Variants in GALNT13 observed in about 807,000 individuals in gnomAD.
GALNT13 encodes the protein UDP-GalNAc:polypeptide N-acetylgalactosaminyltransferase 13.
In GALNT13, 28 loss-of-function variants were observed where a neutral mutation model predicts 64.2. The observed-to-expected ratio is 0.44, with a 90% CI of 0.32 to 0.60. The LOEUF is 0.60. Ranked by LOEUF, GALNT13 falls within the 20% of genes least tolerant of loss-of-function variation. The probability of loss-of-function intolerance (pLI) is 0.05; values close to 1 mark genes in which losing one functional copy is unlikely to be tolerated. For synonymous variants in GALNT13, 214 were observed against 224.6 expected (o/e 0.95, Z 0.42); for missense variants, 577 against 669.8 (o/e 0.86, Z 1.53).
At chr2:153,891,767 C>G (rs1386521595) in intron 1 of GALNT13, among the ~76,000 whole-genome samples, 1 of 152,052 alleles carries the variant, frequency 6.6e-6, no homozygotes, top group Non-Finnish European at 1.5e-5. Flanking sequence ...TTCAAAAGCT[C>G]TACAGGTTAA....
chr2:153,725,565 CT>C, the GALNT13 span, among the ~76,000 whole-genome samples: 1 of 151,542 alleles, frequency 6.6e-6, no homozygotes, highest in African/African-American at 2.4e-5. Flanking sequence ...TAATGGGAAG[CT>C]TTTAAATGAT....
At chr2:153,534,034 TG>T in the GALNT13 span, among the ~76,000 whole-genome samples, 1 of 152,036 alleles carries the variant, frequency 6.6e-6, no homozygotes, top group Admixed American at 6.6e-5. Flanking sequence ...CCACCGTGCC[TG>T]GCATAGAATT....
chr2:153,536,016 T>C, the GALNT13 span, among the ~76,000 whole-genome samples: 1 of 152,160 alleles, frequency 6.6e-6, no homozygotes, highest in Non-Finnish European at 1.5e-5. Flanking sequence ...ACTCGGGGCA[T>C]GTTGAGTAAA....
chr2:153,872,856 C>T (rs1331334111), intron 1 of GALNT13, among the ~76,000 whole-genome samples: 1 of 152,132 alleles, frequency 6.6e-6, no homozygotes, highest in African/African-American at 2.4e-5. Context: ...AGTCCTCTTG[C>T]CTCTCATTCT....
chr2:153,322,386 A>G, the GALNT13 span, among the ~76,000 whole-genome samples: 2 of 152,064 alleles, frequency 1.3e-5, no homozygotes, highest in African/African-American at 4.8e-5. Context: ...GCATATATGT[A>G]TCATGTTTTC....
chr2:154,218,252 G>A (rs950279490), intron 4 of GALNT13, among the ~76,000 whole-genome samples: 4 of 152,076 alleles, frequency 2.6e-5, no homozygotes, highest in African/African-American at 9.7e-5. Flanking sequence ...GCTTTGAACA[G>A]GTGATTCCCT....
At chr2:153,789,639 C>T in the GALNT13 span, among the ~76,000 whole-genome samples, 2 of 151,974 alleles carry the variant, frequency 1.3e-5, no homozygotes, top group Non-Finnish European at 2.9e-5. Flanking sequence ...AAAAAATTCA[C>T]CAAATCCAGG....
At chr2:153,479,426 G>C in the GALNT13 span, among the ~76,000 whole-genome samples, 1 of 152,206 alleles carries the variant, frequency 6.6e-6, no homozygotes, top group Non-Finnish European at 1.5e-5. Context: ...TTACAAAAGC[G>C]ATTGGGAGAC....
chr2:153,922,343 C>A (rs1326401149), intron 2 of GALNT13, among the ~76,000 whole-genome samples: 1 of 152,150 alleles, frequency 6.6e-6, no homozygotes, highest in East Asian at 1.9e-4. Flanking sequence ...ATTTACTATG[C>A]TTTTCAAAAT....
the GALNT13 span, among the ~76,000 whole-genome samples, chr2:153,546,311 GA>G: frequency 4.4e-4 from 67 of 152,234 alleles, no homozygotes; most frequent in East Asian, 0.011. Flanking sequence ...AAGAAGAGAG[GA>G]AAAAACTTTG....
At chr2:153,549,046 T>C in the GALNT13 span, among the ~76,000 whole-genome samples, 3 of 152,260 alleles carry the variant, frequency 2.0e-5, no homozygotes, top group East Asian at 3.9e-4. Flanking sequence ...TTCTATAAAA[T>C]GTCCAGAAAA....
At chr2:154,273,840 T>G (rs757589842) in intron 8 of GALNT13, among the ~76,000 whole-genome samples, 6 of 152,166 alleles carry the variant, frequency 3.9e-5, no homozygotes, top group Non-Finnish European at 7.3e-5. Flanking sequence ...TTACAAAAGA[T>G]GTACAAGAGA....
chr2:153,719,252 T>C, the GALNT13 span, among the ~76,000 whole-genome samples: 1 of 152,118 alleles, frequency 6.6e-6, no homozygotes, highest in Admixed American at 6.5e-5. Context: ...ACTAGCTGTT[T>C]GAATTCCTAC....
chr2:153,996,485 T>A, intron 3 of GALNT13, among the ~76,000 whole-genome samples: 1 of 152,138 alleles, frequency 6.6e-6, no homozygotes, highest in East Asian at 1.9e-4. Flanking sequence ...CTTCTTTTGA[T>A]AAATGTCTAT....
At chr2:153,399,598 C>A in the GALNT13 span, among the ~76,000 whole-genome samples, 1,665 of 151,320 alleles carry the variant, frequency 0.011, 17 homozygotes, top group Non-Finnish European at 0.014. Flanking sequence ...CTTTTATTTC[C>A]TTGAGCAGTG....
At chr2:153,115,934 T>G in the GALNT13 span, among the ~76,000 whole-genome samples, 3 of 152,174 alleles carry the variant, frequency 2.0e-5, no homozygotes, top group African/African-American at 7.2e-5. Context: ...GTGACACTTT[T>G]CCAAGGAGTA....
At chr2:153,983,589 A>G (rs985860103) in intron 3 of GALNT13, among the ~76,000 whole-genome samples, 4 of 151,900 alleles carry the variant, frequency 2.6e-5, no homozygotes, top group African/African-American at 7.2e-5. Flanking sequence ...CAGTAATGAA[A>G]GATTTAAGCT....
At chr2:153,903,937 C>T (rs1688394818) in intron 2 of GALNT13, among the ~76,000 whole-genome samples, 1 of 151,930 alleles carries the variant, frequency 6.6e-6, no homozygotes, top group Non-Finnish European at 1.5e-5. Flanking sequence ...CATCAGTTTC[C>T]CGTGGATGAC....
intron 3 of GALNT13, among the ~76,000 whole-genome samples, chr2:154,026,097 CAGT>C (rs1335754590): frequency 6.6e-6 from 1 of 151,978 alleles, no homozygotes; most frequent in African/African-American, 2.4e-5. Flanking sequence ...GATTATATAA[CAGT>C]AGAAGATTTA....
Sources: allele counts gnomAD v4.1 joint callset (sites outside exome capture counted in the v4.1 genomes callset), GRCh38; gene constraint gnomAD v4.1.1; transcripts MANE v1.5; gene names NCBI Gene and HGNC (gene_info 2026-07-23, HGNC 2026-07-21).